The following PTPRG variants were observed in gnomAD, a reference collection of about 807,000 sequenced individuals.
PTPRG encodes the protein receptor-type tyrosine-protein phosphatase gamma.
Under a neutral mutation model 165.3 loss-of-function variants are expected in PTPRG, and 102 were observed. The ratio of observed to expected loss-of-function variants is 0.62; its 90% CI spans 0.53 to 0.73. The LOEUF is 0.73. PTPRG is among the 30% of genes least tolerant of loss of function. PTPRG has a pLI of 0.00. For synonymous variants in PTPRG, 675 were observed against 669.5 expected (o/e 1.01, Z -0.13); for missense variants, 1,866 against 1,861.4 (o/e 1.00, Z -0.05).
At chr3:61,889,862 C>T (rs1472421105) in intron 2 of PTPRG, among the ~76,000 whole-genome samples, 1 of 152,112 alleles carries the variant, frequency 6.6e-6, no homozygotes, top group Non-Finnish European at 1.5e-5. Context: ...GGCCAATATT[C>T]GTAATCTGGA....
chr3:61,598,307 A>G (rs1700754309), intron 1 of PTPRG, among the ~76,000 whole-genome samples: 2 of 152,200 alleles, frequency 1.3e-5, no homozygotes, highest in South Asian at 4.1e-4. Context: ...CCACGGGAAG[A>G]AAAGGAGTGG....
At chr3:61,886,136 T>C (rs1439211255) in intron 2 of PTPRG, among the ~76,000 whole-genome samples, 1 of 152,102 alleles carries the variant, frequency 6.6e-6, no homozygotes, top group East Asian at 2.0e-4. Flanking sequence ...TTTAGATAAC[T>C]TGGAAGATAA....
At chr3:62,100,218 T>C (rs566637341) in intron 5 of PTPRG, among the ~76,000 whole-genome samples, 3 of 152,090 alleles carry the variant, frequency 2.0e-5, no homozygotes, top group Non-Finnish European at 4.4e-5. Flanking sequence ...TGACACAAAA[T>C]GTGTTTTTGT....
At chr3:61,921,060 A>G (rs1271025195) in intron 2 of PTPRG, among the ~76,000 whole-genome samples, 1 of 152,020 alleles carries the variant, frequency 6.6e-6, no homozygotes, top group South Asian at 2.1e-4. Context: ...AAAATTAACA[A>G]TTAATTACTT....
chr3:62,238,124 G>A (rs1701073410), intron 14 of PTPRG, among the ~76,000 whole-genome samples: 2 of 152,204 alleles, frequency 1.3e-5, no homozygotes, highest in South Asian at 2.1e-4. Context: ...CGCTCATTCG[G>A]TGAGGCAAAA....
At chr3:61,581,758 C>T (rs888340892) in intron 1 of PTPRG, among the ~76,000 whole-genome samples, 19 of 151,674 alleles carry the variant, frequency 1.3e-4, no homozygotes, top group East Asian at 7.8e-4. Flanking sequence ...TAGAGGCACG[C>T]GCCACCACGC....
chr3:61,591,092 A>C (rs1028983716), intron 1 of PTPRG, among the ~76,000 whole-genome samples: 1 of 152,270 alleles, frequency 6.6e-6, no homozygotes, highest in Non-Finnish European at 1.5e-5. Flanking sequence ...TCCCAAAAAA[A>C]GAAATGCTGC....
At chr3:61,694,155 A>T (rs1268889239) in intron 1 of PTPRG, among the ~76,000 whole-genome samples, 1 of 152,162 alleles carries the variant, frequency 6.6e-6, no homozygotes, top group Non-Finnish European at 1.5e-5. Context: ...CATTTTGAAT[A>T]CAGGGAAGAA....
intron 3 of PTPRG, among the ~76,000 whole-genome samples, chr3:61,999,107 CATT>C (rs1456651383): frequency 6.6e-6 from 1 of 151,966 alleles, no homozygotes; most frequent in Non-Finnish European, 1.5e-5. Context: ...AGTGCAGTGG[CATT>C]ATCTCGATCA....
At chr3:61,862,654 C>G (rs1165595631) in intron 2 of PTPRG, among the ~76,000 whole-genome samples, 1 of 152,150 alleles carries the variant, frequency 6.6e-6, no homozygotes, top group Non-Finnish European at 1.5e-5. Context: ...CCAGGCCTCA[C>G]AAAGTGCTGG....
At chr3:61,878,415 T>TTTG (rs950704481) in intron 2 of PTPRG, among the ~76,000 whole-genome samples, 2 of 152,152 alleles carry the variant, frequency 1.3e-5, no homozygotes, top group Non-Finnish European at 2.9e-5. Flanking sequence ...ACACCAGTGT[T>TTTG]TTGTTGTTGT....
intron 1 of PTPRG, among the ~76,000 whole-genome samples, chr3:61,570,720 T>A (rs185727065): frequency 6.6e-6 from 1 of 152,154 alleles, no homozygotes; most frequent in East Asian, 1.9e-4. Context: ...TCCAGATTAG[T>A]GAGGAAATAT....
intron 8 of PTPRG, among the ~76,000 whole-genome samples, chr3:62,182,740 A>G (rs559769567): frequency 2.3e-4 from 35 of 152,236 alleles, no homozygotes; most frequent in East Asian, 7.7e-4. Flanking sequence ...GCTCACTGCA[A>G]CCTCCGTCTT....
At chr3:62,106,098 T>A (rs759348479) in intron 5 of PTPRG, among the ~76,000 whole-genome samples, 5 of 152,194 alleles carry the variant, frequency 3.3e-5, no homozygotes, top group Admixed American at 6.5e-5. Flanking sequence ...ACCTTACTAA[T>A]CTATATATGT....
intron 6 of PTPRG, among the ~76,000 whole-genome samples, chr3:62,137,865 A>G (rs1703771667): frequency 6.6e-6 from 1 of 152,226 alleles, no homozygotes; most frequent in Non-Finnish European, 1.5e-5. Flanking sequence ...TGCTCAACTC[A>G]TGAGGCATCC....
rs751053374 is a variant in PTPRG, at chr3:62,003,316, T to C, written c.371-33T>C. ...ACTCCATTTGGTTTTGAAACTCACT[T>C]TGTTTTCCTCTCTTCTCATTTGTTT... On this transcript the variant is annotated intron_variant, in intron 3 of 29. Transcript: ENST00000474889. 6 of 1,586,822 alleles carry C rather than the reference T, an allele frequency of 3.8e-6. No individual in the cohort carries two copies. In the African/African-American group the frequency reaches 8.2e-5, roughly 22 times the overall value.
At chr3:62,059,679 G>A (rs757114243) in intron 4 of PTPRG, among the ~76,000 whole-genome samples, 8 of 152,048 alleles carry the variant, frequency 5.3e-5, no homozygotes, top group Non-Finnish European at 8.8e-5. Context: ...ATATGGTTTG[G>A]CTGTATCCCC....
At chr3:61,614,043 A>C (rs1223162849) in intron 1 of PTPRG, among the ~76,000 whole-genome samples, 6 of 152,142 alleles carry the variant, frequency 3.9e-5, no homozygotes, top group Admixed American at 1.3e-4. Context: ...GTAGCCCTCT[A>C]AGTGATCTTC....
chr3:61,837,095 G>C (rs56245915), intron 2 of PTPRG, among the ~76,000 whole-genome samples: 6,288 of 152,202 alleles, frequency 0.041, 169 homozygotes, highest in Non-Finnish European at 0.067. Flanking sequence ...TTGTATTTTT[G>C]TAAAGATGGG....
Sources: allele counts gnomAD v4.1 joint callset (sites outside exome capture counted in the v4.1 genomes callset), GRCh38; gene constraint gnomAD v4.1.1; transcripts MANE v1.5; gene names NCBI Gene and HGNC (gene_info 2026-07-23, HGNC 2026-07-21).